Variants in ZDHHC14 observed in about 807,000 individuals in gnomAD.
ZDHHC14 encodes palmitoyltransferase ZDHHC14.
Under a neutral mutation model 47.7 loss-of-function variants are expected in ZDHHC14, and 16 were observed. The ratio of observed to expected loss-of-function variants is 0.34; its 90% CI spans 0.23 to 0.51. The LOEUF is 0.51. ZDHHC14 is among the 20% of genes least tolerant of loss of function. The pLI is 0.97. For missense variants in ZDHHC14, 515 were observed against 662.5 expected (o/e 0.78, Z 2.44); for synonymous variants, 293 against 278.9 (o/e 1.05, Z -0.50).
At chr6:157,647,466 GC>G in intron 7 of ZDHHC14, 98 bp downstream of exon 7, 1 of 809,584 alleles carries the variant, frequency 1.2e-6, no homozygotes. Flanking sequence ...ATGGGTCGCC[GC>G]CACCACGTGA....
At chr6:157,503,312 T>A (rs1562451306) in intron 1 of ZDHHC14, among the ~76,000 whole-genome samples, 2 of 152,226 alleles carry the variant, frequency 1.3e-5, no homozygotes, top group Admixed American at 1.3e-4. Flanking sequence ...ACATCCTGGC[T>A]TCCCACTGCT....
chr6:157,542,311 C>T (rs113483735), intron 1 of ZDHHC14, among the ~76,000 whole-genome samples: 4 of 152,294 alleles, frequency 2.6e-5, no homozygotes, highest in African/African-American at 7.2e-5. Context: ...ATTATACAAG[C>T]AGGACTATTT....
chr6:157,491,234 G>A (rs1310305207), intron 1 of ZDHHC14, among the ~76,000 whole-genome samples: 1 of 152,280 alleles, frequency 6.6e-6, no homozygotes, highest in Middle Eastern at 3.4e-3. Context: ...AGGTATGTTC[G>A]GCTGGTCTGG....
chr6:157,577,808 C>T (rs1240895712), intron 2 of ZDHHC14, among the ~76,000 whole-genome samples: 1 of 152,238 alleles, frequency 6.6e-6, no homozygotes, highest in Non-Finnish European at 1.5e-5. Context: ...GCCTTGGCCT[C>T]CCAAAGTGCT....
chr6:157,610,062 A>G (rs762597099), intron 3 of ZDHHC14, among the ~76,000 whole-genome samples: 1 of 152,204 alleles, frequency 6.6e-6, no homozygotes, highest in Non-Finnish European at 1.5e-5. Flanking sequence ...CTTTGTTGGC[A>G]TCATAGAGGC....
chr6:157,580,734 G>GTGTT lies in ZDHHC14; in HGVS notation c.407-12253_407-12252insGTTT, dbSNP rs1554269459. On this transcript the variant is annotated intron_variant, in intron 2 of 8. Coordinates refer to ENST00000359775, the MANE Select transcript of ZDHHC14 (RefSeq NM_024630.3). ...GTTTTGTGTGTGTGTGTGTGTGTGT[G>GTGTT]TTTTTTTCTTTGTATTTCTCTGGGG... 3.7e-3 allele frequency among the ~76,000 whole-genome samples: 553 copies of GTGTT among 151,448 alleles called. 2 individuals are homozygous for GTGTT. The highest frequency in any genetic ancestry group is 4.1e-3 in the Non-Finnish European group (276 of 67,840).
chr6:157,631,526 T>A (rs1183354760), intron 4 of ZDHHC14: 3 of 152,162 alleles, frequency 2.0e-5, no homozygotes, highest in Non-Finnish European at 4.4e-5. Context: ...GTTACCCTCT[T>A]AAGCCTCAGA....
At chr6:157,475,964 A>G (rs1361201468) in intron 1 of ZDHHC14, among the ~76,000 whole-genome samples, 3 of 152,184 alleles carry the variant, frequency 2.0e-5, no homozygotes, top group African/African-American at 7.2e-5. Flanking sequence ...AAGTCCTAAG[A>G]GGGAAGTTTA....
intron 1 of ZDHHC14, 76 bp from the exon 2 acceptor site, chr6:157,542,509 A>C: frequency 6.6e-7 from 1 of 1,509,878 alleles, no homozygotes; most frequent in South Asian, 1.3e-5. Flanking sequence ...GAAGATAAAG[A>C]CTGCTTACTG....
intron 2 of ZDHHC14, among the ~76,000 whole-genome samples, chr6:157,560,983 G>A (rs944186975): frequency 7.9e-5 from 12 of 152,218 alleles, no homozygotes; most frequent in Non-Finnish European, 1.8e-4. Flanking sequence ...ACTGTAATGA[G>A]TTGTTTGGAA....
intron 1 of ZDHHC14, among the ~76,000 whole-genome samples, chr6:157,495,401 T>C (rs1780036082): frequency 6.6e-6 from 1 of 152,202 alleles, no homozygotes; most frequent in Non-Finnish European, 1.5e-5. Flanking sequence ...TGGGCCCATT[T>C]CTGCCCTCGA....
intron 3 of ZDHHC14, among the ~76,000 whole-genome samples, chr6:157,602,728 G>A (rs939961970): frequency 4.6e-5 from 7 of 152,242 alleles, no homozygotes; most frequent in Admixed American, 1.3e-4. Context: ...TCCTGAGCAT[G>A]CAGGGAGCTG....
At chr6:157,439,039 G>A (rs758653358) in intron 1 of ZDHHC14, among the ~76,000 whole-genome samples, 1 of 152,170 alleles carries the variant, frequency 6.6e-6, no homozygotes, top group Admixed American at 6.5e-5. Context: ...GTTCATGTGA[G>A]GGTCATTGAG....
rs553219520 is a variant in ZDHHC14, at chr6:157,424,837, G to A, written c.245+42571G>A. On this transcript the variant is annotated intron_variant, in intron 1 of 8. Coordinates refer to ENST00000359775, the MANE Select transcript of ZDHHC14 (RefSeq NM_024630.3). ...ATCTCTCAAATGTGCCCTTCACTGC[G>A]TCCCCAACCCCACCCCAGGCCCCAG... Among the ~76,000 whole-genome samples, 33 of 151,958 alleles carry A rather than the reference G, an allele frequency of 2.2e-4. 1 individual carries two copies. The highest frequency in any genetic ancestry group is 6.5e-4 in the African/African-American group (27 of 41,436).
chr6:157,442,609 G>T (rs1778583247), intron 1 of ZDHHC14, among the ~76,000 whole-genome samples: 1 of 152,168 alleles, frequency 6.6e-6, no homozygotes, highest in Non-Finnish European at 1.5e-5. Context: ...AAAGTTGTTT[G>T]CAGTCCATCA....
intron 1 of ZDHHC14, among the ~76,000 whole-genome samples, chr6:157,444,535 G>A (rs1258786539): frequency 2.6e-5 from 4 of 152,042 alleles, no homozygotes; most frequent in African/African-American, 7.2e-5. Flanking sequence ...AAATTTAGCC[G>A]GGCATGGTGG....
chr6:157,391,932 T>A (rs1288892554), intron 1 of ZDHHC14, among the ~76,000 whole-genome samples: 1 of 152,260 alleles, frequency 6.6e-6, no homozygotes, highest in African/African-American at 2.4e-5. Flanking sequence ...TTTTTACTGC[T>A]GTAGGATTTG....
intron 1 of ZDHHC14, among the ~76,000 whole-genome samples, chr6:157,437,223 A>G (rs1049488819): frequency 1.3e-5 from 2 of 152,202 alleles, no homozygotes; most frequent in African/African-American, 4.8e-5. Context: ...CTCAGGTCCC[A>G]TGAAGCTTTG....
intron 1 of ZDHHC14, among the ~76,000 whole-genome samples, chr6:157,414,821 CTTTTTTTTT>C (rs71027333): frequency 1.8e-5 from 2 of 111,994 alleles, no homozygotes; most frequent in Admixed American, 9.6e-5. Context: ...AGGTTTGCAG[CTTTTTTTTT>C]TTTTTTTTTT....
Sources: allele counts gnomAD v4.1 joint callset (sites outside exome capture counted in the v4.1 genomes callset), GRCh38; gene constraint gnomAD v4.1.1; transcripts MANE v1.5; gene names NCBI Gene and HGNC (gene_info 2026-07-23, HGNC 2026-07-21).